NANP: variants seen among roughly 807,000 people sequenced by gnomAD.
NANP encodes the protein N-acylneuraminate-9-phosphatase.
A neutral mutation model predicts 16.9 loss-of-function variants in NANP; 15 were observed. The ratio of observed to expected loss-of-function variants is 0.89; its 90% CI spans 0.59 to 1.37. The LOEUF (loss-of-function observed/expected upper bound fraction) is 1.37, where lower values mean the gene tolerates loss of function less well. Ranked by LOEUF, NANP falls within the 40% of genes most tolerant of loss-of-function variation. The pLI is 0.00. For synonymous variants in NANP, 135 were observed against 112.6 expected (o/e 1.20, Z -1.26); for missense variants, 290 against 303.5 (o/e 0.96, Z 0.33).
In NANP at chr20:25,615,018, T is replaced by TA. The variant is rs1463199246; in HGVS notation, c.*906dup. ...AGGAACAGATTGGGGGCTGCATTGT[T>TA]AGGCTACACTGAGGAAATGTTCCTC... On this transcript the variant is annotated 3_prime_UTR_variant, in exon 2 of 2. Transcript: ENST00000304788. 1 of 152,048 alleles carries TA rather than the reference T, an allele frequency of 6.6e-6. No homozygotes were observed. The highest frequency in any genetic ancestry group is 1.5e-5 in the Non-Finnish European group (1 of 68,010). The allele number at this position is 152,048 out of a possible 1,614,324, so 9.4% of individuals were successfully genotyped here.
chr20:25,618,817 A>G (rs1022446188), intron 1 of NANP, among the ~76,000 whole-genome samples: 1 of 152,046 alleles, frequency 6.6e-6, no homozygotes, highest in Admixed American at 6.6e-5. Flanking sequence ...AAGCTGCTCT[A>G]ACCCGTATTG....
At position 25,613,882 on chromosome 20, in the gene NANP, C is replaced by G. The variant is rs2065331510; in HGVS notation, c.*2043G>C. On this transcript the variant is annotated 3_prime_UTR_variant, in exon 2 of 2. Transcript: ENST00000304788. ...ATAATGAATGTGACACTGCCTACAT[C>G]CATCCTGTGGGAGAGTTAAAAGGAC... 1 of 398,432 alleles carries G rather than the reference C, an allele frequency of 2.5e-6. No individual in the cohort carries two copies. Among genetic ancestry groups the G allele is most frequent in the Admixed American group, 4.4e-5 (1 of 22,704 alleles). 24.7% of individuals were successfully genotyped at this position (398,432 alleles called of 1,614,324 possible).
chr20:25,621,407 T>C (rs546087532), intron 1 of NANP, among the ~76,000 whole-genome samples: 3 of 152,024 alleles, frequency 2.0e-5, no homozygotes, highest in South Asian at 2.1e-4. Context: ...GTAATTACCA[T>C]GAAAAACAGG....
Position 25,623,938 on chromosome 20 carries a change from C to T in NANP, c.11G>A (p.Ser4Asn). ...GTCAAAGAAAACCGCCCGCACGCGG[C>T]TCAGCCCCATAGCGCCGGCCGCTGG... is the stretch of plus-strand genomic sequence containing the variant. MGL[S>N]RVRAVFFDLD... Residue 4 changes from serine to asparagine, a missense_variant, in exon 1 of 2, where the codon AGC becomes AAC. Coordinates refer to ENST00000304788, the MANE Select transcript of NANP (RefSeq NM_152667.3). 2 of 1,613,118 alleles carry T rather than the reference C, an allele frequency of 1.2e-6. No homozygotes were observed. The highest frequency in any genetic ancestry group is 8.5e-7 in the Non-Finnish European group (1 of 1,179,770).
intron 1 of NANP, among the ~76,000 whole-genome samples, chr20:25,617,220 T>C (rs1292069540): frequency 6.8e-6 from 1 of 146,900 alleles, no homozygotes; most frequent in Non-Finnish European, 1.5e-5. Flanking sequence ...TCTACACTTT[T>C]ATTTTTTTTG....
In NANP at chr20:25,614,338, G is replaced by A. The variant is rs1252993572; in HGVS notation, c.*1587C>T. 2.0e-5 allele frequency: 3 copies of A among 152,394 alleles called. No individual in the cohort carries two copies. The highest frequency in any genetic ancestry group is 6.5e-5 in the Admixed American group (1 of 15,272). The allele number at this position is 152,394 out of a possible 1,614,324, so 9.4% of individuals were successfully genotyped here. A position where few individuals can be genotyped will look rare whatever the true frequency, so the allele number is the denominator to read the frequency against. On this transcript the variant is annotated 3_prime_UTR_variant, in exon 2 of 2. Coordinates refer to ENST00000304788, the MANE Select transcript of NANP (RefSeq NM_152667.3). ...GTAGTTTCTTATATAACAGTTGGAA[G>A]AAAAACATATCAAAAACCAACCTAA...
At chr20:25,616,918 G>A (rs2065345997) in intron 1 of NANP, among the ~76,000 whole-genome samples, 1 of 152,160 alleles carries the variant, frequency 6.6e-6, no homozygotes, top group Non-Finnish European at 1.5e-5. Context: ...CGGGCATGGT[G>A]GCTCATGCCT....
chr20:25,623,763 G>A (rs2065378077), intron 1 of NANP, 96 bp downstream of exon 1: 3 of 1,212,626 alleles, frequency 2.5e-6, no homozygotes, highest in Non-Finnish European at 3.5e-6. Context: ...GGCCCGCGGC[G>A]CCGGGGTGGA....
chr20:25,620,821 C>T (rs1269192489), intron 1 of NANP, among the ~76,000 whole-genome samples: 1 of 151,548 alleles, frequency 6.6e-6, no homozygotes, highest in Non-Finnish European at 1.5e-5. Context: ...ATAGAGGCCC[C>T]CCTTTTTTTT....
At chr20:25,617,820 A>G (rs961885484) in intron 1 of NANP, among the ~76,000 whole-genome samples, 7 of 152,240 alleles carry the variant, frequency 4.6e-5, no homozygotes, top group East Asian at 1.9e-4. Context: ...CCCGGCCCCA[A>G]TTCTGTACTT....
At chr20:25,623,809 G>A in intron 1 of NANP, 50 bp downstream of exon 1, 1 of 1,538,818 alleles carries the variant, frequency 6.5e-7, no homozygotes, top group African/African-American at 1.4e-5. Flanking sequence ...GCAGGACGGG[G>A]CGGGGCGCAC....
Position 25,616,540 on chromosome 20 carries a change from CT to C in NANP, c.131del (p.Glu44GlyfsTer28), listed in dbSNP as rs772911782. ...GAACTTTATCACAGATGATTTCAGC[CT>C]CTTCTTTATAATGGTATTTTGATTG... ...LLQSKYHYKEEAEIICDKVQV... is the reference protein window; with the variant it reads ...LLQSKYHYKEXAEIICDKVQV... On this transcript the variant is annotated frameshift_variant, in exon 2 of 2. Coordinates refer to ENST00000304788, the MANE Select transcript of NANP (RefSeq NM_152667.3). LOFTEE classifies it high-confidence loss of function. The C allele has an allele frequency of 6.8e-6, 11 of 1,607,218 alleles. No individual in the cohort carries two copies. The highest frequency in any genetic ancestry group is 9.3e-6 in the Non-Finnish European group (11 of 1,177,650).
rs1181448981 is a variant in NANP at position 25,616,019 on chromosome 20, T to C, written c.653A>G (p.Lys218Arg). ...WINKNGIVPL[K>R]SSPVPHYMVS... is the part of the protein sequence containing the mutation. ...CATGTAATGCGGAACTGGGGAGGAC[T>C]TCAGTGGCACTATTCCATTTTTATT... is the stretch of plus-strand genomic sequence containing the variant. Residue 218 changes from lysine (K) to arginine (R), a missense_variant, in exon 2 of 2, where the codon AAG (lysine) becomes AGG (arginine). Lys to Arg is a conservative substitution (Grantham distance 26). Transcript: ENST00000304788. The C allele has an allele frequency of 1.2e-6, 2 of 1,614,088 alleles. No homozygotes were observed. The highest frequency in any genetic ancestry group is 2.2e-5 in the East Asian group (1 of 44,902).
rs2065332866 is a variant in NANP at position 25,614,205 on chromosome 20, A to G, written c.*1720T>C. On this transcript the variant is annotated 3_prime_UTR_variant, in exon 2 of 2. Coordinates refer to ENST00000304788, the MANE Select transcript of NANP (RefSeq NM_152667.3). ...CTTGGCAGTAGACAGAAAACTGGCT[A>G]AAGAAATAGGCTCACAGATAGGTAC... 5.3e-6 allele frequency: 1 copy of G among 187,104 alleles called. No homozygotes were observed. Among genetic ancestry groups the G allele is most frequent in the African/African-American group, 2.3e-5 (1 of 42,912 alleles). 11.6% of individuals were successfully genotyped at this position (187,104 alleles called of 1,614,324 possible).
chr20:25,616,647 G>C, intron 1 of NANP, 66 bp from the exon 2 acceptor site: 1 of 1,305,338 alleles, frequency 7.7e-7, no homozygotes, highest in Non-Finnish European at 1.0e-6. Flanking sequence ...CTAGGAAGCT[G>C]TGATCCTACA....
Position 25,615,987 on chromosome 20 carries a change from A to G in NANP, c.685T>C (p.Ser229Pro). ...AAGAGAGCAGGTAACTCTAGCACAGAAGAAACCATGTAATGCGGAACTGGG... is the reference window on the plus strand; with the variant it reads ...AAGAGAGCAGGTAACTCTAGCACAGGAGAAACCATGTAATGCGGAACTGGG... ...SSPVPHYMVS[S>P]VLELPALLQS... The change falls in exon 2 of 2, where the codon TCT becomes CCT. Residue 229 changes from serine (S) to proline (P), a missense_variant. Coordinates refer to ENST00000304788, the MANE Select transcript of NANP (RefSeq NM_152667.3). 6.2e-7 allele frequency: 1 copy of G among 1,614,200 alleles called. No homozygotes were observed. The highest frequency in any genetic ancestry group is 8.5e-7 in the Non-Finnish European group (1 of 1,180,032).
chr20:25,623,797 G>A lies in NANP; in HGVS notation c.90+62C>T, dbSNP rs944529320. ...GAAGTGGGGTCAAGGGGAGGTGAGC[G>A]TGCAGGACGGGGCGGGGCGCACTGA... On this transcript the variant is annotated intron_variant, in intron 1 of 1. Coordinates refer to ENST00000304788, the MANE Select transcript of NANP (RefSeq NM_152667.3). The A allele has an allele frequency of 6.1e-6, 9 of 1,476,646 alleles. No homozygotes were observed. The East Asian group carries it at 7.0e-5, about 11-fold the overall frequency. 91.5% of individuals were successfully genotyped at this position (1,476,646 alleles called of 1,614,324 possible).
At chr20:25,619,220 C>T (rs1466348386) in intron 1 of NANP, among the ~76,000 whole-genome samples, 2 of 148,846 alleles carry the variant, frequency 1.3e-5, no homozygotes, top group African/African-American at 2.5e-5. Flanking sequence ...TGGCCTCAAA[C>T]TCCTGGGCTC....
intron 1 of NANP, among the ~76,000 whole-genome samples, chr20:25,622,320 T>C (rs2065368068): frequency 6.6e-6 from 1 of 152,226 alleles, no homozygotes; most frequent in Non-Finnish European, 1.5e-5. Flanking sequence ...GAAGGTGCTA[T>C]AGTTCGCTGA....
Sources: gnomAD v4.1 joint callset for allele counts (sites outside exome capture counted in the v4.1 genomes callset) on GRCh38, gnomAD v4.1.1 for gene constraint, MANE v1.5 for transcripts, NCBI Gene and HGNC (gene_info 2026-07-23, HGNC 2026-07-21) for gene names.